The following ADGRB3 variants were observed in gnomAD, a reference collection of about 807,000 sequenced individuals.
ADGRB3 encodes adhesion G protein-coupled receptor B3, also known as brain-specific angiogenesis inhibitor 3.
In ADGRB3, 37 loss-of-function variants were observed where a neutral mutation model predicts 193.4. That is an observed-to-expected ratio of 0.19 (90% CI 0.15 to 0.25). The LOEUF (loss-of-function observed/expected upper bound fraction) is 0.25. Ranked by LOEUF, ADGRB3 falls within the 10% of genes least tolerant of loss-of-function variation. The pLI is 1.00. For synonymous variants in ADGRB3, 690 were observed against 644.2 expected (o/e 1.07, Z -1.08); for missense variants, 1,637 against 1,852.9 (o/e 0.88, Z 2.14).
chr6:68,827,350 A>G (rs925647485), intron 3 of ADGRB3, among the ~76,000 whole-genome samples: 1 of 152,156 alleles, frequency 6.6e-6, no homozygotes, highest in African/African-American at 2.4e-5. Flanking sequence ...TTCAGGAGAT[A>G]ATGGGAAGAA....
intron 20 of ADGRB3, among the ~76,000 whole-genome samples, chr6:69,280,186 A>G (rs893946637): frequency 2.6e-5 from 4 of 152,158 alleles, no homozygotes; most frequent in Non-Finnish European, 4.4e-5. Context: ...CCTCATTATA[A>G]TGGAAGCCCA....
At chr6:69,175,547 T>TAGTA (rs1379235495) in intron 17 of ADGRB3, among the ~76,000 whole-genome samples, 2 of 151,772 alleles carry the variant, frequency 1.3e-5, no homozygotes, top group Admixed American at 1.3e-4. Flanking sequence ...TGTAGCCTTA[T>TAGTA]AGTAGTACAG....
intron 17 of ADGRB3, among the ~76,000 whole-genome samples, chr6:69,160,724 A>G (rs895998812): frequency 3.9e-5 from 6 of 152,122 alleles, no homozygotes; most frequent in African/African-American, 1.4e-4. Context: ...GATTTGTAAT[A>G]TCTGTAATGT....
Position 69,342,490 on chromosome 6 carries a change from C to T in ADGRB3, c.3459+2986C>T, listed in dbSNP as rs533350973. Among the ~76,000 whole-genome samples, 19 of 152,140 alleles carry T rather than the reference C, an allele frequency of 1.2e-4. No individual in the cohort carries two copies. The East Asian group carries it at 3.7e-3, about 29-fold the overall frequency. On this transcript the variant is annotated intron_variant, in intron 26 of 31. Transcript: ENST00000370598. ...CCTTATTTAGAAGGATTTTACAGATCCCAAGGAAGATATCATAGGAGGCCT... is the reference window on the plus strand; with the variant it reads ...CCTTATTTAGAAGGATTTTACAGATTCCAAGGAAGATATCATAGGAGGCCT...
chr6:68,858,414 G>T (rs1254411723), intron 3 of ADGRB3, among the ~76,000 whole-genome samples: 1 of 150,048 alleles, frequency 6.7e-6, no homozygotes, highest in African/African-American at 2.5e-5. Flanking sequence ...TAAGGCAGGA[G>T]AATTGTGTGA....
chr6:69,267,101 A>G (rs1044644941), intron 20 of ADGRB3, among the ~76,000 whole-genome samples: 1 of 152,162 alleles, frequency 6.6e-6, no homozygotes, highest in Non-Finnish European at 1.5e-5. Flanking sequence ...CTATTTGTCT[A>G]TTTGTCAGGG....
intron 30 of ADGRB3, among the ~76,000 whole-genome samples, chr6:69,376,979 G>C (rs768247873): frequency 6.6e-6 from 1 of 151,818 alleles, no homozygotes; most frequent in Non-Finnish European, 1.5e-5. Context: ...TTAAACTCTG[G>C]CATCATATTT....
Position 68,635,323 on chromosome 6 carries a change from C to G in ADGRB3, c.-865C>G, listed in dbSNP as rs543804454. ...CACACCCGAGACAGAGCTTTACTAT[C>G]TCGCTCCCTCTCGCGCCTCCCTCCT... On this transcript the variant is annotated 5_prime_UTR_variant, in exon 1 of 32. The change creates a new upstream start codon in the 5' untranslated region. Coordinates refer to ENST00000370598, the MANE Select transcript of ADGRB3 (RefSeq NM_001704.3). 4.6e-5 allele frequency: 7 copies of G among 151,740 alleles called. No homozygotes were observed. The highest frequency in any genetic ancestry group is 7.4e-5 in the Non-Finnish European group (5 of 67,948). The allele number at this position is 151,740 out of a possible 1,614,324, so 9.4% of individuals were successfully genotyped here.
chr6:69,354,250 A>T lies in ADGRB3; in HGVS notation c.3477A>T (p.Arg1159Ser), dbSNP rs763695285. 4 of 1,613,936 alleles carry T rather than the reference A, an allele frequency of 2.5e-6. No individual in the cohort carries two copies. In the African/African-American group the frequency reaches 5.3e-5, roughly 22 times the overall value. The change falls in exon 27 of 32, where the codon AGA becomes AGT. Residue 1159 changes from arginine to serine, a missense_variant. Physicochemically the swap from Arg to Ser is moderately radical, Grantham distance 110. Coordinates refer to ENST00000370598, the MANE Select transcript of ADGRB3 (RefSeq NM_001704.3). Reference protein sequence around the residue: ...ILRREVQDAFRCRLRNCQDPI... With the variant: ...ILRREVQDAFSCRLRNCQDPI... ...CCCCACAGGTTCAGGATGCATTTAG[A>T]TGCCGATTGAGAAACTGTCAGGATC...
intron 11 of ADGRB3, among the ~76,000 whole-genome samples, chr6:68,999,644 T>G (rs1287710911): frequency 1.3e-5 from 2 of 152,194 alleles, no homozygotes; most frequent in Non-Finnish European, 2.9e-5. Flanking sequence ...TTCTCAAAAG[T>G]CTCACCAAAT....
intron 3 of ADGRB3, among the ~76,000 whole-genome samples, chr6:68,914,908 G>T (rs1214797975): frequency 6.6e-6 from 1 of 152,040 alleles, no homozygotes. Context: ...GCTTCCCATA[G>T]AGTATCAAAT....
chr6:69,296,236 A>C (rs192912727), intron 20 of ADGRB3, among the ~76,000 whole-genome samples: 200 of 152,312 alleles, frequency 1.3e-3, no homozygotes, highest in Non-Finnish European at 1.9e-3. Context: ...TACAATTGAC[A>C]GAATTGCAGT....
chr6:69,203,287 G>A (rs1324578502), intron 17 of ADGRB3, among the ~76,000 whole-genome samples: 1 of 152,092 alleles, frequency 6.6e-6, no homozygotes, highest in Admixed American at 6.6e-5. Context: ...TTATCATTGA[G>A]TAAGCTTTTA....
chr6:69,160,623 C>A (rs546095233), intron 17 of ADGRB3, among the ~76,000 whole-genome samples: 29 of 152,108 alleles, frequency 1.9e-4, no homozygotes, highest in Non-Finnish European at 3.8e-4. Flanking sequence ...TCAATTATTT[C>A]TTTTCAGGCC....
intron 3 of ADGRB3, among the ~76,000 whole-genome samples, chr6:68,838,202 T>G (rs1768082847): frequency 6.6e-6 from 1 of 152,128 alleles, no homozygotes; most frequent in Non-Finnish European, 1.5e-5. Flanking sequence ...AGAACCTTCA[T>G]GCATTATCAA....
intron 3 of ADGRB3, among the ~76,000 whole-genome samples, chr6:68,766,617 CTTGA>C (rs1166283382): frequency 1.3e-5 from 2 of 151,780 alleles, no homozygotes; most frequent in South Asian, 2.1e-4. Flanking sequence ...TTTATGTTTT[CTTGA>C]TTGTTTTAAT....
At chr6:69,372,359 ATAACT>A (rs755345448) in intron 29 of ADGRB3, 42 bp from the exon 30 acceptor site, 74 of 1,129,388 alleles carry the variant, frequency 6.6e-5, no homozygotes, top group Non-Finnish European at 8.7e-5. Flanking sequence ...ATGACTAAAC[ATAACT>A]TTATTGGTTT....
At chr6:69,054,310 G>C (rs759969582) in intron 15 of ADGRB3, among the ~76,000 whole-genome samples, 14 of 151,952 alleles carry the variant, frequency 9.2e-5, no homozygotes, top group Non-Finnish European at 1.3e-4. Context: ...TCAGGAAATT[G>C]AACTCATTTG....
At chr6:68,735,184 C>A (rs1349163904) in intron 3 of ADGRB3, among the ~76,000 whole-genome samples, 1 of 151,622 alleles carries the variant, frequency 6.6e-6, no homozygotes, top group African/African-American at 2.4e-5. Flanking sequence ...TAAGCATGAT[C>A]AAAAATATTG....
Sources: gnomAD v4.1 joint callset for allele counts (sites outside exome capture counted in the v4.1 genomes callset) on GRCh38, gnomAD v4.1.1 for gene constraint, MANE v1.5 for transcripts, NCBI Gene and HGNC (gene_info 2026-07-23, HGNC 2026-07-21) for gene names.